Variants in LDLRAD3 observed in about 807,000 individuals in gnomAD.
LDLRAD3 encodes low density lipoprotein receptor class A domain containing 3.
Under a neutral mutation model 29.4 loss-of-function variants are expected in LDLRAD3, and 20 were observed. The ratio of observed to expected loss-of-function variants is 0.68; its 90% CI spans 0.48 to 0.99. The LOEUF (loss-of-function observed/expected upper bound fraction) is 0.99, where lower values mean the gene tolerates loss of function less well. Ranked by LOEUF, LDLRAD3 falls within the 50% of genes least tolerant of loss-of-function variation. The pLI is 0.00. For missense variants in LDLRAD3, 420 were observed against 454.3 expected (o/e 0.92, Z 0.69); for synonymous variants, 157 against 192.7 (o/e 0.81, Z 1.53).
At chr11:36,190,673 A>T (rs1854927490) in intron 4 of LDLRAD3, among the ~76,000 whole-genome samples, 1 of 152,156 alleles carries the variant, frequency 6.6e-6, no homozygotes, top group Admixed American at 6.5e-5. Context: ...AAATTGAAGA[A>T]AATGCTCCCT....
intron 4 of LDLRAD3, among the ~76,000 whole-genome samples, chr11:36,171,598 T>C (rs1404343906): frequency 6.6e-6 from 1 of 152,192 alleles, no homozygotes; most frequent in Non-Finnish European, 1.5e-5. Flanking sequence ...CCACTTTATG[T>C]TGTTGTTTGC....
intron 4 of LDLRAD3, among the ~76,000 whole-genome samples, chr11:36,180,961 T>A (rs903873743): frequency 2.0e-5 from 3 of 152,026 alleles, no homozygotes; most frequent in African/African-American, 7.2e-5. Flanking sequence ...GTAACAGAGA[T>A]GGGGCAGGGG....
intron 1 of LDLRAD3, among the ~76,000 whole-genome samples, chr11:35,993,005 A>T (rs1306400983): frequency 6.6e-6 from 1 of 152,168 alleles, no homozygotes; most frequent in African/African-American, 2.4e-5. Flanking sequence ...GTGTCTGGAC[A>T]TGAGCCATGA....
chr11:36,132,062 T>TTC (rs1448041558), intron 4 of LDLRAD3, among the ~76,000 whole-genome samples: 1 of 152,110 alleles, frequency 6.6e-6, no homozygotes, highest in African/African-American at 2.4e-5. Context: ...TGGGATTTTT[T>TTC]TTTTTTTCCA....
rs1399348159 is a variant in LDLRAD3 at position 36,059,297 on chromosome 11, C to G, written c.194-22356C>G. The stretch of plus-strand genomic sequence containing the variant: ...ACTTGAGCATGAGAGGTTGAGGCAG[C>G]AGTGAGCCATGATTGTACCACTGCA... On this transcript the variant is annotated intron_variant, in intron 2 of 5. Transcript: ENST00000315571. Among the ~76,000 whole-genome samples, 3 of 150,630 alleles carry G rather than the reference C, an allele frequency of 2.0e-5. No homozygotes were observed. The East Asian group carries it at 5.8e-4, about 29-fold the overall frequency.
At chr11:35,992,595 A>G (rs1032912683) in intron 1 of LDLRAD3, among the ~76,000 whole-genome samples, 2 of 152,252 alleles carry the variant, frequency 1.3e-5, no homozygotes, top group Non-Finnish European at 2.9e-5. Flanking sequence ...AGCCAGTTAC[A>G]AAAGACCACA....
rs183561803 is a variant in LDLRAD3, at chr11:36,055,353, T to C, written c.193+19104T>C. ...ACTCTTGGAGAGTGTTATCCCTCCC[T>C]CTCTTTCTCTCTCAGCCCTTGCATA... On this transcript the variant is annotated intron_variant, in intron 2 of 5. Coordinates refer to ENST00000315571, the MANE Select transcript of LDLRAD3 (RefSeq NM_174902.4). Among the ~76,000 whole-genome samples the C allele has an allele frequency of 1.9e-3, 284 of 152,072 alleles. 1 individual carries two copies. Among genetic ancestry groups the C allele is most frequent in the African/African-American group, 6.4e-3 (267 of 41,500 alleles).
chr11:36,104,647 G>C (rs957835392), intron 4 of LDLRAD3, among the ~76,000 whole-genome samples: 1 of 152,166 alleles, frequency 6.6e-6, no homozygotes, highest in African/African-American at 2.4e-5. Flanking sequence ...TTCCTGTACA[G>C]TTCTCACAGA....
At chr11:36,099,487 AT>A (rs1853414096) in intron 4 of LDLRAD3, among the ~76,000 whole-genome samples, 1 of 151,978 alleles carries the variant, frequency 6.6e-6, no homozygotes, top group Non-Finnish European at 1.5e-5. Flanking sequence ...GTTGTTGGAG[AT>A]TGTTTGTCTT....
At chr11:36,186,692 G>A (rs1273777927) in intron 4 of LDLRAD3, among the ~76,000 whole-genome samples, 6 of 152,144 alleles carry the variant, frequency 3.9e-5, no homozygotes, top group Non-Finnish European at 8.8e-5. Flanking sequence ...TGAGACGGAT[G>A]GGGTATGAAT....
At chr11:36,129,871 T>C (rs1432058431) in intron 4 of LDLRAD3, among the ~76,000 whole-genome samples, 1 of 152,222 alleles carries the variant, frequency 6.6e-6, no homozygotes, top group Non-Finnish European at 1.5e-5. Context: ...TATATTTTTC[T>C]CTGTAGTATT....
At chr11:36,216,665 T>C (rs1343747732) in intron 4 of LDLRAD3, among the ~76,000 whole-genome samples, 1 of 152,176 alleles carries the variant, frequency 6.6e-6, no homozygotes, top group African/African-American at 2.4e-5. Flanking sequence ...GTTTGATCTC[T>C]GTACCTTCCC....
At chr11:35,976,816 G>A (rs542935034) in intron 1 of LDLRAD3, among the ~76,000 whole-genome samples, 11 of 152,148 alleles carry the variant, frequency 7.2e-5, no homozygotes, top group South Asian at 4.2e-4. Context: ...TTATTATATC[G>A]CAAGGTGGAC....
chr11:36,098,297 C>G (rs2133273855), intron 3 of LDLRAD3, 30 bp from the exon 4 acceptor site: 1 of 1,612,732 alleles, frequency 6.2e-7, no homozygotes, highest in East Asian at 2.2e-5. Context: ...GCTGGCCTCC[C>G]TGGTAATGTG....
At chr11:36,204,035 C>A (rs900792600) in intron 4 of LDLRAD3, among the ~76,000 whole-genome samples, 34 of 151,588 alleles carry the variant, frequency 2.2e-4, no homozygotes, top group African/African-American at 7.5e-4. Flanking sequence ...AAATCCATCA[C>A]AGACGTACAT....
chr11:36,163,607 C>G (rs138652104), intron 4 of LDLRAD3: 1 of 151,798 alleles, frequency 6.6e-6, no homozygotes, highest in African/African-American at 2.4e-5. Flanking sequence ...AATGCACTGC[C>G]TTTCCCACCC....
chr11:36,217,077 G>A (rs1855363172), intron 4 of LDLRAD3, among the ~76,000 whole-genome samples: 1 of 152,188 alleles, frequency 6.6e-6, no homozygotes, highest in South Asian at 2.1e-4. Context: ...TTGTTGTAAA[G>A]AAGAAGGGAA....
intron 2 of LDLRAD3, among the ~76,000 whole-genome samples, chr11:36,081,152 TGCGG>T (rs1400378659): frequency 1.3e-5 from 2 of 152,294 alleles, no homozygotes; most frequent in East Asian, 3.9e-4. Flanking sequence ...GCGTAGCAGT[TGCGG>T]TTCTGTTTTG....
intron 2 of LDLRAD3, among the ~76,000 whole-genome samples, chr11:36,047,006 A>G (rs77144840): frequency 0.031 from 4,735 of 152,234 alleles, 234 homozygotes; most frequent in Admixed American, 0.13. Context: ...GCTAGTTAGT[A>G]TGTATGGCAG....
Sources: gnomAD v4.1 joint callset for allele counts (sites outside exome capture counted in the v4.1 genomes callset) on GRCh38, gnomAD v4.1.1 for gene constraint, MANE v1.5 for transcripts, NCBI Gene and HGNC (gene_info 2026-07-23, HGNC 2026-07-21) for gene names.